Variants in PPP6R3 observed in about 807,000 individuals in gnomAD.
PPP6R3 encodes the protein protein phosphatase 6 regulatory subunit 3.
A neutral mutation model predicts 110.7 loss-of-function variants in PPP6R3; 38 were observed. The ratio of observed to expected loss-of-function variants is 0.34; its 90% CI spans 0.26 to 0.45. The LOEUF is 0.45. Ranked by LOEUF, PPP6R3 falls within the 20% of genes least tolerant of loss-of-function variation. The pLI, the probability that PPP6R3 is intolerant of heterozygous loss-of-function variation, is 1.00. For missense variants in PPP6R3, 870 were observed against 1,062.4 expected (o/e 0.82, Z 2.52); for synonymous variants, 369 against 373.5 (o/e 0.99, Z 0.14).
intron 16 of PPP6R3, 31 bp downstream of exon 16, chr11:68,588,055 T>C: frequency 6.4e-7 from 1 of 1,550,728 alleles, no homozygotes; most frequent in African/African-American, 1.4e-5. Flanking sequence ...CCGCTGTTGC[T>C]CTTGCACACC....
chr11:68,476,410 G>C (rs2098832753), intron 1 of PPP6R3, among the ~76,000 whole-genome samples: 1 of 139,252 alleles, frequency 7.2e-6, no homozygotes. Flanking sequence ...CGAGATGGCA[G>C]CAGTACAGTC....
rs1203584249 is a variant in PPP6R3, at chr11:68,471,538, G to A, written c.-158+10711G>A. 2.6e-5 allele frequency among the ~76,000 whole-genome samples: 4 copies of A among 152,068 alleles called. No individual in the cohort carries two copies. In the East Asian group the frequency reaches 7.7e-4, roughly 29 times the overall value. ...TGGCTCTGGCAGCGTGGAATTCATC[G>A]ACGATCTTGAGAGCTGTTCCCACAT... On this transcript the variant is annotated intron_variant, in intron 1 of 23. Coordinates refer to ENST00000393800, the MANE Select transcript of PPP6R3 (RefSeq NM_001164161.2).
chr11:68,507,105 G>A (rs1444102733), intron 1 of PPP6R3, among the ~76,000 whole-genome samples: 1 of 152,158 alleles, frequency 6.6e-6, no homozygotes, highest in Non-Finnish European at 1.5e-5. Flanking sequence ...GTCCATTAGG[G>A]TGCATAGCCA....
chr11:68,549,870 A>G (rs1187756695), intron 5 of PPP6R3, among the ~76,000 whole-genome samples: 1 of 152,166 alleles, frequency 6.6e-6, no homozygotes, highest in Non-Finnish European at 1.5e-5. Flanking sequence ...TTGTGGATCC[A>G]CAGTCGGAGA....
chr11:68,581,093 C>G (rs1277148405), intron 14 of PPP6R3, among the ~76,000 whole-genome samples: 2 of 152,212 alleles, frequency 1.3e-5, no homozygotes, highest in South Asian at 2.1e-4. Context: ...CTTTTTAGCT[C>G]ATTTTGTTAA....
chr11:68,566,451 C>A (rs1466517403), intron 9 of PPP6R3, among the ~76,000 whole-genome samples: 1 of 152,046 alleles, frequency 6.6e-6, no homozygotes, highest in Non-Finnish European at 1.5e-5. Flanking sequence ...CCTCAACTTC[C>A]GCAGGCCCAG....
At position 68,470,483 on chromosome 11, in the gene PPP6R3, G is replaced by A. The variant is rs1018828106; in HGVS notation, c.-158+9656G>A. Among the ~76,000 whole-genome samples, 4 of 152,122 alleles carry A rather than the reference G, an allele frequency of 2.6e-5. No homozygotes were observed. The East Asian group carries it at 7.7e-4, about 29-fold the overall frequency. Reference sequence around the variant, plus strand: ...AGGCCAGATGGATGGGGGAGATGGGGGGAGGGCGTAGGTCACACTGGCCAT... The same window carrying A: ...AGGCCAGATGGATGGGGGAGATGGGAGGAGGGCGTAGGTCACACTGGCCAT... On this transcript the variant is annotated intron_variant, in intron 1 of 23. Transcript: ENST00000393800.
At position 68,537,719 on chromosome 11, in the gene PPP6R3, A is replaced by G. The variant is rs1385570981; in HGVS notation, c.55A>G (p.Arg19Gly). ...ATCCCACATAGACACACTTCTAGAA[A>G]GAGAAGATGTAACACTGAAGGAGTT... ...SSSHIDTLLE[R>G]EDVTLKELMD... The change falls in exon 3 of 24, where the codon AGA (arginine) becomes GGA (glycine). Residue 19 changes from arginine to glycine, a missense_variant. Physicochemically the swap from Arg to Gly is moderately radical, Grantham distance 125. Coordinates refer to ENST00000393800, the MANE Select transcript of PPP6R3 (RefSeq NM_001164161.2). 3.1e-6 allele frequency: 5 copies of G among 1,613,464 alleles called. No homozygotes were observed. In the South Asian group the frequency reaches 4.4e-5, roughly 14 times the overall value.
chr11:68,505,984 T>C (rs2099074018), intron 1 of PPP6R3, among the ~76,000 whole-genome samples: 1 of 152,080 alleles, frequency 6.6e-6, no homozygotes, highest in Non-Finnish European at 1.5e-5. Flanking sequence ...TCTTCATTCA[T>C]GTTTTATCCT....
chr11:68,585,128 C>T (rs1395810904), intron 15 of PPP6R3, among the ~76,000 whole-genome samples: 1 of 152,210 alleles, frequency 6.6e-6, no homozygotes, highest in African/African-American at 2.4e-5. Context: ...TGGGGAGTGC[C>T]TCCAGGCGTT....
In PPP6R3 at chr11:68,546,718, G is replaced by A. The variant is rs117778898; in HGVS notation, c.415-1349G>A. 2.3e-4 allele frequency among the ~76,000 whole-genome samples: 35 copies of A among 152,310 alleles called. No homozygotes were observed. The East Asian group carries it at 6.5e-3, about 28-fold the overall frequency. ...TTGTTAGCTCATGGAACAGGAAGTC[G>A]GATGGTGGGGCATCTTCAGTGCTGC... On this transcript the variant is annotated intron_variant, in intron 4 of 23. Coordinates refer to ENST00000393800, the MANE Select transcript of PPP6R3 (RefSeq NM_001164161.2).
intron 19 of PPP6R3, among the ~76,000 whole-genome samples, chr11:68,596,917 TG>T (rs1300122586): frequency 2.0e-5 from 3 of 152,146 alleles, no homozygotes; most frequent in Admixed American, 2.0e-4. Flanking sequence ...GACCTTGTGG[TG>T]ACTTCAGAGC....
At chr11:68,485,097 T>G (rs1226243721) in intron 1 of PPP6R3, among the ~76,000 whole-genome samples, 1 of 152,092 alleles carries the variant, frequency 6.6e-6, no homozygotes, top group East Asian at 1.9e-4. Flanking sequence ...ATATAGATCT[T>G]GTACATATTT....
At chr11:68,511,805 GTT>G (rs1160639982) in intron 1 of PPP6R3, among the ~76,000 whole-genome samples, 9 of 152,030 alleles carry the variant, frequency 5.9e-5, no homozygotes, top group South Asian at 2.1e-4. Context: ...GTGTGTGTGT[GTT>G]TTTTAAATGT....
At chr11:68,609,570 T>A in intron 22 of PPP6R3, 1 of 1,549,918 alleles carries the variant, frequency 6.5e-7, no homozygotes, top group South Asian at 1.2e-5. Context: ...ATTCTGAAAC[T>A]CTTGTACATT....
At chr11:68,611,588 G>GT (rs1407511600) in intron 23 of PPP6R3, among the ~76,000 whole-genome samples, 36 of 152,254 alleles carry the variant, frequency 2.4e-4, no homozygotes, top group African/African-American at 7.9e-4. Flanking sequence ...TCTGACACAC[G>GT]TTTGTGTGTG....
At chr11:68,530,341 T>G (rs902523462) in intron 2 of PPP6R3, among the ~76,000 whole-genome samples, 3 of 152,174 alleles carry the variant, frequency 2.0e-5, no homozygotes, top group African/African-American at 7.2e-5. Flanking sequence ...TAAGATTGTG[T>G]GAAATTTGTG....
At chr11:68,464,297 G>GT (rs1261152815) in intron 1 of PPP6R3, among the ~76,000 whole-genome samples, 1 of 151,928 alleles carries the variant, frequency 6.6e-6, no homozygotes. Flanking sequence ...ATGCCCGGCT[G>GT]TTTTTTGTAT....
At chr11:68,495,852 A>G (rs2099012102) in intron 1 of PPP6R3, among the ~76,000 whole-genome samples, 1 of 152,240 alleles carries the variant, frequency 6.6e-6, no homozygotes, top group Non-Finnish European at 1.5e-5. Context: ...CATACCTAGG[A>G]GTAGAATTGT....
Sources: gnomAD v4.1 joint callset for allele counts (sites outside exome capture counted in the v4.1 genomes callset) on GRCh38, gnomAD v4.1.1 for gene constraint, MANE v1.5 for transcripts, NCBI Gene and HGNC (gene_info 2026-07-23, HGNC 2026-07-21) for gene names.